Variants in CFAP47 observed in about 807,000 individuals in gnomAD.
The protein encoded by CFAP47 is cilia- and flagella-associated protein 47.
A neutral mutation model predicts 148.1 loss-of-function variants in CFAP47; 29 were observed. The observed-to-expected ratio is 0.20, with a 90% confidence interval of 0.15 to 0.27. The LOEUF (loss-of-function observed/expected upper bound fraction) is 0.27, where lower values mean the gene tolerates loss of function less well. Among genes scored for constraint, CFAP47 ranks in the 10% least tolerant of loss-of-function variants. The pLI is 1.00. For synonymous variants in CFAP47, 664 were observed against 577.3 expected (o/e 1.15, Z -2.15); for missense variants, 1,872 against 1,697.5 (o/e 1.10, Z -1.81).
At chrX:36,070,287 A>G (rs1040470019) in intron 27 of CFAP47, among the ~76,000 whole-genome samples, 2 of 111,035 alleles carry the variant, frequency 1.8e-5, no homozygotes, top group African/African-American at 6.5e-5. Flanking sequence ...TGTATAACAC[A>G]CTCACAGTTT....
At chrX:35,945,983 C>G (rs1212547411) in intron 3 of CFAP47, among the ~76,000 whole-genome samples, 1 of 107,064 alleles carries the variant, frequency 9.3e-6, no homozygotes, top group Non-Finnish European at 1.9e-5. Context: ...ACCGATTTTC[C>G]TGCTTCAGCC....
intron 49 of CFAP47, among the ~76,000 whole-genome samples, chrX:36,276,863 A>G (rs1427945112): frequency 8.9e-6 from 1 of 112,054 alleles, no homozygotes; most frequent in African/African-American, 3.2e-5. Context: ...TAAATATAGG[A>G]TGGTGATCTT....
At chrX:36,152,622 T>A (rs1420164222) in intron 37 of CFAP47, among the ~76,000 whole-genome samples, 2 of 111,612 alleles carry the variant, frequency 1.8e-5, no homozygotes, top group Non-Finnish European at 3.8e-5. Context: ...CCCTTCCTTG[T>A]TCCTAGCCAC....
chrX:36,206,915 G>T (rs1555988851), intron 45 of CFAP47, among the ~76,000 whole-genome samples: 2 of 112,103 alleles, frequency 1.8e-5, no homozygotes. Flanking sequence ...TGTCTAACTC[G>T]ATTTTCTGTG....
At chrX:36,081,471 G>T (rs1379116274) in intron 29 of CFAP47, among the ~76,000 whole-genome samples, 1 of 111,487 alleles carries the variant, frequency 9.0e-6, no homozygotes, top group Non-Finnish European at 1.9e-5. Flanking sequence ...AAGGAGGAAA[G>T]ACTCCTCCCT....
chrX:36,184,635 T>A (rs998070040), intron 40 of CFAP47, among the ~76,000 whole-genome samples: 5 of 111,704 alleles, frequency 4.5e-5, no homozygotes, highest in South Asian at 3.7e-4. Context: ...GTTAAAAAAA[T>A]AAATAAATAA....
chrX:35,953,757 C>T, intron 7 of CFAP47, 38 bp downstream of exon 7: 2 of 1,066,558 alleles, frequency 1.9e-6, no homozygotes, highest in South Asian at 4.5e-5. Context: ...AATCCGTAGC[C>T]ATTTAAATTG....
intron 30 of CFAP47, among the ~76,000 whole-genome samples, chrX:36,095,499 G>A (rs972317466): frequency 3.6e-5 from 4 of 111,328 alleles, no homozygotes; most frequent in African/African-American, 9.7e-5. Context: ...CAGCAGTAAC[G>A]CCATTTGGTC....
rs782139528 is a variant in CFAP47 at position 36,247,614 on chromosome X, T to C, written c.7333-3719T>C. ...TAGAATTATTACAAAGCAAATTGTT[T>C]CAAAATAAGATGCTAGTTATAAAAC... is the stretch of plus-strand genomic sequence containing the variant. On this transcript the variant is annotated intron_variant, in intron 48 of 63. Transcript: ENST00000378653. 5.1e-3 allele frequency among the ~76,000 whole-genome samples: 569 copies of C among 110,952 alleles called. 1 individual carries two copies. Among genetic ancestry groups the C allele is most frequent in the African/African-American group, 0.018 (542 of 30,638 alleles).
chrX:35,986,401 T>A (rs1185221760), intron 15 of CFAP47, among the ~76,000 whole-genome samples: 1 of 108,271 alleles, frequency 9.2e-6, no homozygotes, highest in Non-Finnish European at 1.9e-5. Context: ...TGGATTGTGC[T>A]GTTGGTACTT....
At chrX:35,993,355 A>G (rs1936809687) in intron 18 of CFAP47, 34 bp downstream of exon 18, 1 of 289,920 alleles carries the variant, frequency 3.4e-6, no homozygotes. Flanking sequence ...TGCACCTTAC[A>G]TATGTCTATG....
At chrX:36,109,256 A>G (rs1601982583) in intron 33 of CFAP47, among the ~76,000 whole-genome samples, 1 of 111,589 alleles carries the variant, frequency 9.0e-6, no homozygotes, top group South Asian at 3.8e-4. Context: ...CAATGAATAT[A>G]TACCTGCATG....
intron 45 of CFAP47, among the ~76,000 whole-genome samples, chrX:36,211,953 G>A (rs1415965701): frequency 1.8e-5 from 2 of 111,055 alleles, no homozygotes; most frequent in African/African-American, 6.6e-5. Flanking sequence ...CACTAACCTT[G>A]CCTGGTAGAA....
chrX:36,379,296 G>C (rs1239083625), intron 62 of CFAP47, 54 bp from the exon 63 acceptor site: 27 of 1,062,391 alleles, frequency 2.5e-5, no homozygotes, highest in Non-Finnish European at 3.5e-5. Flanking sequence ...TTCTCACAAA[G>C]AGAATGAAGT....
Position 36,310,813 on chromosome X carries a change from G to T in CFAP47, c.8188-20G>T, listed in dbSNP as rs782318589. 1.0e-5 allele frequency: 11 copies of T among 1,102,023 alleles called. No individual in the cohort carries two copies. The highest frequency in any genetic ancestry group is 3.0e-5 in the Admixed American group (1 of 33,017). The allele number at this position is 1,102,023 out of a possible 1,213,427, so 90.8% of individuals were successfully genotyped here. A position where few individuals can be genotyped will look rare whatever the true frequency, so the allele number is the denominator to read the frequency against. The stretch of plus-strand genomic sequence containing the variant: ...TATGCAGTTAGGACACATAAGTTAC[G>T]AATACTTATCTTCAAACAGTTTACA... On this transcript the variant is annotated intron_variant, in intron 55 of 63. Coordinates refer to ENST00000378653, the MANE Select transcript of CFAP47 (RefSeq NM_001304548.2).
chrX:36,036,640 G>A (rs1280196303), intron 24 of CFAP47, among the ~76,000 whole-genome samples: 2 of 111,788 alleles, frequency 1.8e-5, no homozygotes, highest in Non-Finnish European at 3.8e-5. Flanking sequence ...ATAGTGCAAT[G>A]TAATCTGTTT....
intron 15 of CFAP47, among the ~76,000 whole-genome samples, chrX:35,980,883 A>T (rs1224648832): frequency 9.0e-6 from 1 of 110,761 alleles, no homozygotes; most frequent in Non-Finnish European, 1.9e-5. Flanking sequence ...GTGTATTATC[A>T]TACTTATTTA....
intron 49 of CFAP47, among the ~76,000 whole-genome samples, chrX:36,255,105 G>C (rs1427063425): frequency 1.8e-5 from 2 of 111,952 alleles, no homozygotes; most frequent in Non-Finnish European, 3.8e-5. Flanking sequence ...TTAAATGCCT[G>C]TTTGGCCATG....
intron 57 of CFAP47, among the ~76,000 whole-genome samples, chrX:36,335,286 A>G (rs1229738562): frequency 9.0e-6 from 1 of 110,898 alleles, no homozygotes; most frequent in Non-Finnish European, 1.9e-5. Flanking sequence ...CAACCTGTCA[A>G]CAAGCCCTAC....
Sources: gnomAD v4.1 joint callset for allele counts (sites outside exome capture counted in the v4.1 genomes callset) on GRCh38, gnomAD v4.1.1 for gene constraint, MANE v1.5 for transcripts, NCBI Gene and HGNC (gene_info 2026-07-23, HGNC 2026-07-21) for gene names.